Variants in ADAMTS14 observed in about 807,000 individuals in gnomAD.
ADAMTS14 encodes ADAM metallopeptidase with thrombospondin type 1 motif 14, also known as A disintegrin and metalloproteinase with thrombospondin motifs 14.
A neutral mutation model predicts 128.6 loss-of-function variants in ADAMTS14; 100 were observed. That is an observed-to-expected ratio of 0.78 (90% confidence interval 0.66 to 0.92). The LOEUF (loss-of-function observed/expected upper bound fraction) is 0.92, where lower values mean the gene tolerates loss of function less well. Ranked by LOEUF, ADAMTS14 falls within the 40% of genes least tolerant of loss-of-function variation. The probability of loss-of-function intolerance (pLI) is 0.00; values close to 1 mark genes in which losing one functional copy is unlikely to be tolerated. For synonymous variants in ADAMTS14, 665 were observed against 653.8 expected, an observed-to-expected ratio of 1.02 and a Z score of -0.26; for missense variants, 1,562 against 1,658.6, an observed-to-expected ratio of 0.94 and a Z score of 1.01.
chr10:70,726,261 G>T (rs140698107), intron 4 of ADAMTS14, among the ~76,000 whole-genome samples: 317 of 152,364 alleles, frequency 2.1e-3, no homozygotes, highest in African/African-American at 7.2e-3. Context: ...GGAGATGGCA[G>T]CTGTTGGAGC....
At chr10:70,736,317 C>T (rs1841824949) in intron 9 of ADAMTS14, among the ~76,000 whole-genome samples, 1 of 152,118 alleles carries the variant, frequency 6.6e-6, no homozygotes, top group Non-Finnish European at 1.5e-5. Context: ...TAATTCTCCC[C>T]ATGTGCACAG....
At chr10:70,749,608 A>AGTGTGTGTGT (rs72483126) in intron 15 of ADAMTS14, among the ~76,000 whole-genome samples, 6,330 of 147,798 alleles carry the variant, frequency 0.043, 201 homozygotes, top group Non-Finnish European at 0.057. Context: ...AGGCAGCAAG[A>AGTGTGTGTGT]GTGTGTGTGT....
chr10:70,696,646 G>T (rs1016491645), intron 2 of ADAMTS14, among the ~76,000 whole-genome samples: 9 of 152,168 alleles, frequency 5.9e-5, no homozygotes, highest in Non-Finnish European at 8.8e-5. Flanking sequence ...GATGTCCAGG[G>T]TGGTGAGAAG....
chr10:70,745,558 C>T (rs527845976), intron 15 of ADAMTS14: 129 of 526,288 alleles, frequency 2.5e-4, no homozygotes, highest in South Asian at 1.1e-3. Context: ...ACCCTGGGGG[C>T]AGTTTTCTTC....
At chr10:70,696,068 G>A (rs991558988) in intron 2 of ADAMTS14, among the ~76,000 whole-genome samples, 1 of 152,230 alleles carries the variant, frequency 6.6e-6, no homozygotes, top group Admixed American at 6.5e-5. Context: ...GGGAAGCAGT[G>A]ACATGGGCAG....
At chr10:70,687,210 G>T (rs1299026287) in intron 2 of ADAMTS14, among the ~76,000 whole-genome samples, 1 of 101,838 alleles carries the variant, frequency 9.8e-6, no homozygotes, top group Admixed American at 9.0e-5. Context: ...CCTCCCTCCC[G>T]GACGGGGCGG....
At position 70,713,511 on chromosome 10, in the gene ADAMTS14, C is replaced by T. The variant is rs141493590; in HGVS notation, c.870+4733C>T. Among the ~76,000 whole-genome samples, 180 of 152,372 alleles carry T rather than the reference C, an allele frequency of 1.2e-3. 1 individual carries two copies. Among genetic ancestry groups the T allele is most frequent in the African/African-American group, 4.2e-3 (176 of 41,582 alleles). Reference sequence around the variant, plus strand: ...CTTCAGGCCCATTAGGGCACCGTCCCCTACTCTGCTGGCCTGTGCTTGTCA... The same window carrying T: ...CTTCAGGCCCATTAGGGCACCGTCCTCTACTCTGCTGGCCTGTGCTTGTCA... On this transcript the variant is annotated intron_variant, in intron 4 of 21. Coordinates refer to ENST00000373207, the MANE Select transcript of ADAMTS14 (RefSeq NM_080722.4).
At chr10:70,735,356 T>G in intron 9 of ADAMTS14, 55 bp downstream of exon 9, 1 of 1,595,294 alleles carries the variant, frequency 6.3e-7, no homozygotes, top group Non-Finnish European at 8.5e-7. Flanking sequence ...AGTGTCCTTC[T>G]GTGGCCCATG....
chr10:70,704,021 A>G (rs530863516), intron 3 of ADAMTS14, among the ~76,000 whole-genome samples: 2 of 152,346 alleles, frequency 1.3e-5, no homozygotes, highest in South Asian at 2.1e-4. Context: ...TCTCCATTTC[A>G]CAGCTTGATT....
At chr10:70,732,223 G>A (rs200791451) in intron 6 of ADAMTS14, 31 bp from the exon 7 acceptor site, 15 of 1,598,172 alleles carry the variant, frequency 9.4e-6, no homozygotes, top group Middle Eastern at 1.6e-4. Flanking sequence ...CCTCCACCTC[G>A]CTCTCCACCT....
intron 4 of ADAMTS14, among the ~76,000 whole-genome samples, chr10:70,718,036 A>G (rs1194191860): frequency 6.6e-6 from 1 of 152,232 alleles, no homozygotes; most frequent in Non-Finnish European, 1.5e-5. Flanking sequence ...GTTGGCTGTC[A>G]GATCAGGGCC....
At chr10:70,673,359 C>T (rs781410602) in intron 1 of ADAMTS14, among the ~76,000 whole-genome samples, 2 of 152,144 alleles carry the variant, frequency 1.3e-5, no homozygotes, top group Admixed American at 6.5e-5. Context: ...GGGGCACTCA[C>T]GCTCCTGCAC....
intron 3 of ADAMTS14, among the ~76,000 whole-genome samples, chr10:70,708,001 T>C (rs1374724005): frequency 2.0e-5 from 3 of 152,198 alleles, no homozygotes; most frequent in African/African-American, 7.2e-5. Flanking sequence ...TTGGATTATA[T>C]AATACAAGTT....
chr10:70,676,322 T>C (rs1839647018), intron 2 of ADAMTS14, among the ~76,000 whole-genome samples: 1 of 152,222 alleles, frequency 6.6e-6, no homozygotes, highest in Admixed American at 6.5e-5. Context: ...GCAATTTTAA[T>C]ACCACAGATA....
intron 2 of ADAMTS14, among the ~76,000 whole-genome samples, chr10:70,693,536 A>G (rs1463645513): frequency 3.9e-5 from 6 of 152,156 alleles, no homozygotes; most frequent in Non-Finnish European, 7.4e-5. Flanking sequence ...GCTTTCTCAG[A>G]GCAGCCCTAC....
At chr10:70,691,487 T>TAAAAAAAAAAAAA (rs11373533) in intron 2 of ADAMTS14, among the ~76,000 whole-genome samples, 3 of 86,666 alleles carry the variant, frequency 3.5e-5, no homozygotes, top group African/African-American at 7.8e-5. Flanking sequence ...GAGACCCTGT[T>TAAAAAAAAAAAAA]AAAAAAAAAA....
intron 2 of ADAMTS14, among the ~76,000 whole-genome samples, chr10:70,692,964 C>G (rs1457812576): frequency 2.0e-5 from 3 of 152,144 alleles, no homozygotes; most frequent in African/African-American, 7.2e-5. Context: ...TTTTAGTTGG[C>G]TCATGATTCT....
At chr10:70,718,224 T>G (rs1373791869) in intron 4 of ADAMTS14, among the ~76,000 whole-genome samples, 1 of 152,224 alleles carries the variant, frequency 6.6e-6, no homozygotes, top group African/African-American at 2.4e-5. Flanking sequence ...CTCATCCTCC[T>G]TGACACGAAG....
chr10:70,758,265 C>G lies in ADAMTS14; in HGVS notation c.3158C>G (p.Pro1053Arg). ...QWVPQSEPLH[P>R]INKISSTEPC... ...GTGCCACAATCTGAACCCCTACATC[C>G]CATTAACAAGATATCATCAAGTAAG... is the stretch of plus-strand genomic sequence containing the variant. The change falls in exon 21 of 22, where the codon CCC becomes CGC. Residue 1053 changes from proline (P) to arginine (R), a missense_variant. Physicochemically the swap from Pro to Arg is moderately radical, Grantham distance 103 (BLOSUM62 -2). Transcript: ENST00000373207. 6.2e-7 allele frequency: 1 copy of G among 1,614,146 alleles called. No individual in the cohort carries two copies. The highest frequency in any genetic ancestry group is 8.5e-7 in the Non-Finnish European group (1 of 1,179,984).
Sources: gnomAD v4.1 joint callset for allele counts (sites outside exome capture counted in the v4.1 genomes callset) on GRCh38, gnomAD v4.1.1 for gene constraint, MANE v1.5 for transcripts, NCBI Gene and HGNC (gene_info 2026-07-23, HGNC 2026-07-21) for gene names.